Variants in CNTNAP5 observed in about 807,000 individuals in gnomAD.
CNTNAP5 encodes the protein contactin-associated protein-like 5.
A neutral mutation model predicts 150.2 loss-of-function variants in CNTNAP5; 72 were observed. The observed-to-expected ratio is 0.48, with a 90% confidence interval of 0.40 to 0.58. The LOEUF (loss-of-function observed/expected upper bound fraction) is 0.58, where lower values mean the gene tolerates loss of function less well. Ranked by LOEUF, CNTNAP5 falls within the 20% of genes least tolerant of loss-of-function variation. The pLI is 0.00. For missense variants in CNTNAP5, 1,636 were observed against 1,626.2 expected (o/e 1.01, Z -0.10); for synonymous variants, 672 against 619.8 (o/e 1.08, Z -1.25).
At chr2:124,356,803 G>A (rs1449646656) in intron 3 of CNTNAP5, among the ~76,000 whole-genome samples, 3 of 151,194 alleles carry the variant, frequency 2.0e-5, no homozygotes, top group African/African-American at 7.3e-5. Flanking sequence ...ATGATTTATA[G>A]TCCTTTGGGT....
chr2:124,034,520 T>A (rs549776972), intron 1 of CNTNAP5, among the ~76,000 whole-genome samples: 30 of 152,318 alleles, frequency 2.0e-4, no homozygotes, highest in African/African-American at 7.0e-4. Flanking sequence ...CCGTTCTGGA[T>A]CCCTCACTTA....
chr2:124,818,854 T>C (rs1344429226), intron 19 of CNTNAP5, among the ~76,000 whole-genome samples: 1 of 152,170 alleles, frequency 6.6e-6, no homozygotes, highest in Non-Finnish European at 1.5e-5. Flanking sequence ...TCCCAGACTT[T>C]TTTCACCTAC....
intron 3 of CNTNAP5, among the ~76,000 whole-genome samples, chr2:124,386,209 A>C (rs1690923364): frequency 6.6e-6 from 1 of 152,172 alleles, no homozygotes; most frequent in African/African-American, 2.4e-5. Flanking sequence ...CTGAAGAAAC[A>C]ATGTTGTTTA....
intron 1 of CNTNAP5, among the ~76,000 whole-genome samples, chr2:124,112,417 G>T (rs1261502107): frequency 6.6e-6 from 1 of 152,150 alleles, no homozygotes; most frequent in African/African-American, 2.4e-5. Flanking sequence ...CATGCTTGCT[G>T]AGCCAACTTG....
rs538792046 is a variant in CNTNAP5, at chr2:124,354,755, T to A, written c.382-62688T>A. ...TGTTTAACACAGGGACAAAACATGA[T>A]CTTAGTTTCAGCTCTCAATAGGTAA... On this transcript the variant is annotated intron_variant, in intron 3 of 23. Coordinates refer to ENST00000682447, the MANE Select transcript of CNTNAP5 (RefSeq NM_001367498.1). 3.3e-5 allele frequency among the ~76,000 whole-genome samples: 5 copies of A among 152,342 alleles called. No homozygotes were observed. The South Asian group carries it at 1.0e-3, about 32-fold the overall frequency.
At position 124,480,424 on chromosome 2, in the gene CNTNAP5, A is replaced by G. The variant is rs149798999; in HGVS notation, c.1062+5542A>G. The stretch of plus-strand genomic sequence containing the variant: ...ATTGGAGCATGGTTGATTATTTCTT[A>G]TGGCTCTAAAGCCAAGCAAACACTC... On this transcript the variant is annotated intron_variant, in intron 7 of 23. Transcript: ENST00000682447. 8.1e-4 allele frequency among the ~76,000 whole-genome samples: 123 copies of G among 152,280 alleles called. 2 individuals are homozygous for G. Among genetic ancestry groups the G allele is most frequent in the Admixed American group, 2.5e-3 (39 of 15,302 alleles).
intron 1 of CNTNAP5, among the ~76,000 whole-genome samples, chr2:124,133,295 T>G (rs953915465): frequency 2.0e-5 from 3 of 152,034 alleles, no homozygotes; most frequent in Non-Finnish European, 2.9e-5. Flanking sequence ...CCTTTGGTCC[T>G]TAAAAAAAAC....
intron 13 of CNTNAP5, among the ~76,000 whole-genome samples, chr2:124,710,267 G>T (rs1679779510): frequency 6.6e-6 from 1 of 152,042 alleles, no homozygotes; most frequent in African/African-American, 2.4e-5. Context: ...TTTAAATATT[G>T]ACAAATTAAT....
At chr2:124,786,344 AAAG>A (rs1681570897) in intron 17 of CNTNAP5, among the ~76,000 whole-genome samples, 1 of 112,232 alleles carries the variant, frequency 8.9e-6, no homozygotes, top group Non-Finnish European at 1.8e-5. Context: ...AGAAAGAAAG[AAAG>A]AAAGGAAGAA....
At chr2:124,700,193 ACTTC>A (rs1469218855) in intron 13 of CNTNAP5, among the ~76,000 whole-genome samples, 1 of 152,182 alleles carries the variant, frequency 6.6e-6, no homozygotes, top group Non-Finnish European at 1.5e-5. Context: ...ATATTTCAGT[ACTTC>A]CTTCCTTTTT....
At chr2:124,814,775 A>G (rs1272818757) in intron 19 of CNTNAP5, among the ~76,000 whole-genome samples, 1 of 151,870 alleles carries the variant, frequency 6.6e-6, no homozygotes, top group Non-Finnish European at 1.5e-5. Context: ...GATAATAAAA[A>G]TGGATTGCAC....
rs1438811878 is a variant in CNTNAP5, at chr2:124,759,935, G to A, written c.2235-3737G>A. ...AAGCTTCTTGTTACCTAAACTCCTCGGTCTTTTTTTTTTTTTTTTTTTTTT... is the reference window on the plus strand; with the variant it reads ...AAGCTTCTTGTTACCTAAACTCCTCAGTCTTTTTTTTTTTTTTTTTTTTTT... On this transcript the variant is annotated intron_variant, in intron 14 of 23. Coordinates refer to ENST00000682447, the MANE Select transcript of CNTNAP5 (RefSeq NM_001367498.1). 5.0e-5 allele frequency among the ~76,000 whole-genome samples: 6 copies of A among 121,022 alleles called. 1 individual carries two copies. Among genetic ancestry groups the A allele is most frequent in the African/African-American group, 1.9e-4 (6 of 32,168 alleles). 79.4% of individuals were successfully genotyped at this position (121,022 alleles called of 152,430 possible).
At chr2:124,826,947 G>A (rs1484162265) in intron 19 of CNTNAP5, among the ~76,000 whole-genome samples, 2 of 151,980 alleles carry the variant, frequency 1.3e-5, no homozygotes, top group African/African-American at 4.8e-5. Context: ...TTGAGACAGG[G>A]TCTTGTTCTG....
chr2:124,148,924 A>C (rs2104630082), intron 1 of CNTNAP5, among the ~76,000 whole-genome samples: 1 of 152,194 alleles, frequency 6.6e-6, no homozygotes, highest in African/African-American at 2.4e-5. Context: ...ACACACATAT[A>C]TGTATGTATA....
intron 6 of CNTNAP5, among the ~76,000 whole-genome samples, chr2:124,450,068 A>T (rs1475588747): frequency 6.6e-6 from 1 of 152,108 alleles, no homozygotes; most frequent in Admixed American, 6.5e-5. Context: ...ATTTTATCAC[A>T]ACGTTGCATA....
At chr2:124,422,068 A>G (rs888915997) in intron 4 of CNTNAP5, among the ~76,000 whole-genome samples, 4 of 152,222 alleles carry the variant, frequency 2.6e-5, no homozygotes, top group South Asian at 2.1e-4. Flanking sequence ...ATTGGCACAA[A>G]AAGACAGTCA....
intron 6 of CNTNAP5, among the ~76,000 whole-genome samples, chr2:124,456,802 A>C (rs1693129101): frequency 6.6e-6 from 1 of 152,156 alleles, no homozygotes. Flanking sequence ...AGCAAACAAA[A>C]ACAAAAGTGG....
At chr2:124,540,946 G>C (rs1695367600) in intron 10 of CNTNAP5, among the ~76,000 whole-genome samples, 1 of 152,096 alleles carries the variant, frequency 6.6e-6, no homozygotes, top group African/African-American at 2.4e-5. Flanking sequence ...ATACTGCAGA[G>C]GGGGCAGTGT....
chr2:124,049,939 G>A (rs959996512), intron 1 of CNTNAP5, among the ~76,000 whole-genome samples: 28 of 151,926 alleles, frequency 1.8e-4, no homozygotes, highest in South Asian at 1.5e-3. Flanking sequence ...AGCTCTCTGG[G>A]GTTTCTTTCT....
Sources: allele counts gnomAD v4.1 joint callset (sites outside exome capture counted in the v4.1 genomes callset), GRCh38; gene constraint gnomAD v4.1.1; transcripts MANE v1.5; gene names NCBI Gene and HGNC (gene_info 2026-07-23, HGNC 2026-07-21).